Variants in ZDHHC14 observed in about 807,000 individuals in gnomAD.
ZDHHC14 encodes the protein zDHHC palmitoyltransferase 14.
A neutral mutation model predicts 47.7 loss-of-function variants in ZDHHC14; 16 were observed. The ratio of observed to expected loss-of-function variants is 0.34; its 90% CI spans 0.23 to 0.51. The LOEUF is 0.51. Ranked by LOEUF, ZDHHC14 falls within the 20% of genes least tolerant of loss-of-function variation. The probability of loss-of-function intolerance (pLI) is 0.97; values close to 1 mark genes in which losing one functional copy is unlikely to be tolerated. For synonymous variants in ZDHHC14, 293 were observed against 278.9 expected (o/e 1.05, Z -0.50); for missense variants, 515 against 662.5 (o/e 0.78, Z 2.44).
At chr6:157,649,904 T>C (rs947139003) in intron 7 of ZDHHC14, among the ~76,000 whole-genome samples, 5 of 152,152 alleles carry the variant, frequency 3.3e-5, no homozygotes, top group Non-Finnish European at 7.3e-5. Context: ...GTGGCCACCA[T>C]TGACTGCCCA....
At chr6:157,564,191 G>A (rs1208221048) in intron 2 of ZDHHC14, among the ~76,000 whole-genome samples, 1 of 152,180 alleles carries the variant, frequency 6.6e-6, no homozygotes, top group African/African-American at 2.4e-5. Flanking sequence ...TTCTTGCATG[G>A]TGGTCACAGC....
At chr6:157,618,744 G>A (rs1052387707) in intron 3 of ZDHHC14, among the ~76,000 whole-genome samples, 1 of 151,984 alleles carries the variant, frequency 6.6e-6, no homozygotes, top group Non-Finnish European at 1.5e-5. Context: ...TGCTGGGTGG[G>A]GGAACTCAAT....
chr6:157,397,692 G>A (rs1050258864), intron 1 of ZDHHC14, among the ~76,000 whole-genome samples: 7 of 152,334 alleles, frequency 4.6e-5, no homozygotes, highest in African/African-American at 1.4e-4. Context: ...CTGGGGATTA[G>A]GATGTGGATG....
intron 1 of ZDHHC14, among the ~76,000 whole-genome samples, chr6:157,512,830 A>T (rs1040833022): frequency 2.0e-5 from 3 of 152,240 alleles, no homozygotes; most frequent in Non-Finnish European, 4.4e-5. Context: ...ATACTCTGAA[A>T]ATGTTCCTGT....
At position 157,656,072 on chromosome 6, in the gene ZDHHC14, G is replaced by A. The variant is rs117161390; in HGVS notation, c.1068+2445G>A. ...CTTTAACCATGGAAATGGGGAGGTC[G>A]TTTTACTCCATATGTGAAATCAGAT... On this transcript the variant is annotated intron_variant, in intron 8 of 8. Transcript: ENST00000359775. Among the ~76,000 whole-genome samples the A allele has an allele frequency of 2.7e-3, 406 of 152,292 alleles. 2 individuals carry two copies. The highest frequency in any genetic ancestry group is 4.6e-3 in the Non-Finnish European group (311 of 68,018).
chr6:157,608,470 A>G (rs1052100852), intron 3 of ZDHHC14, among the ~76,000 whole-genome samples: 1 of 152,168 alleles, frequency 6.6e-6, no homozygotes, highest in East Asian at 1.9e-4. Context: ...ACCTGGAGGA[A>G]GCAGCGTCCC....
chr6:157,558,715 G>T (rs1344107285), intron 2 of ZDHHC14, among the ~76,000 whole-genome samples: 1 of 151,790 alleles, frequency 6.6e-6, no homozygotes, highest in Non-Finnish European at 1.5e-5. Flanking sequence ...GTGGTTGTAA[G>T]GAGTCATTAC....
chr6:157,436,241 A>G (rs28558234), intron 1 of ZDHHC14, among the ~76,000 whole-genome samples: 46,991 of 151,896 alleles, frequency 0.31, 7,508 homozygotes, highest in African/African-American at 0.39. Context: ...GATAATGAAG[A>G]TGCAAATGGA....
At position 157,673,055 on chromosome 6, in the gene ZDHHC14, G is replaced by C; in HGVS notation, c.1400G>C (p.Gly467Ala). ...LAHSRTMHVL[G>A]LASQDSLHED... ...CACAGCCGCACCATGCACGTGCTGG[G>C]CCTGGCCAGCCAGGACTCCCTGCAT... is the stretch of plus-strand genomic sequence containing the variant. The change falls in exon 9 of 9, where the codon GGC (glycine) becomes GCC (alanine). Residue 467 changes from glycine (G) to alanine (A), a missense_variant. Transcript: ENST00000359775. This position sits in a 1 kb window ranked among gnomAD's most constrained non-coding sequence, Gnocchi z 5.4. 1.3e-6 allele frequency: 2 copies of C among 1,566,768 alleles called. No homozygotes were observed. The highest frequency in any genetic ancestry group is 8.6e-7 in the Non-Finnish European group (1 of 1,163,934).
At chr6:157,519,668 C>A (rs778514356) in intron 1 of ZDHHC14, among the ~76,000 whole-genome samples, 3 of 152,190 alleles carry the variant, frequency 2.0e-5, no homozygotes, top group Non-Finnish European at 2.9e-5. Context: ...TAGCCCGGCC[C>A]CTCAAGAGCT....
intron 1 of ZDHHC14, among the ~76,000 whole-genome samples, chr6:157,402,746 G>A (rs931720714): frequency 6.6e-6 from 1 of 152,070 alleles, no homozygotes; most frequent in Admixed American, 6.5e-5. Context: ...TCTTTTTCCA[G>A]ACAAAAGTCT....
chr6:157,523,189 G>A (rs1297542463), intron 1 of ZDHHC14, among the ~76,000 whole-genome samples: 1 of 151,382 alleles, frequency 6.6e-6, no homozygotes, highest in Admixed American at 6.6e-5. Flanking sequence ...TCCTTTCTTT[G>A]ATTATTAGTG....
At chr6:157,459,544 G>A (rs978674494) in intron 1 of ZDHHC14, among the ~76,000 whole-genome samples, 4 of 152,162 alleles carry the variant, frequency 2.6e-5, no homozygotes, top group Admixed American at 6.5e-5. Flanking sequence ...GGTGAATGCT[G>A]CCTGTAAACT....
At chr6:157,584,207 G>C (rs1045573414) in intron 2 of ZDHHC14, among the ~76,000 whole-genome samples, 1 of 152,200 alleles carries the variant, frequency 6.6e-6, no homozygotes, top group Non-Finnish European at 1.5e-5. Flanking sequence ...CACTGGGGCA[G>C]GGAGGCTGCA....
chr6:157,489,830 G>A (rs1368500419), intron 1 of ZDHHC14, among the ~76,000 whole-genome samples: 5 of 152,192 alleles, frequency 3.3e-5, no homozygotes, highest in African/African-American at 7.2e-5. Context: ...GTGCAGTGGC[G>A]TGATCATGGC....
intron 1 of ZDHHC14, among the ~76,000 whole-genome samples, chr6:157,429,109 A>C (rs904169976): frequency 7.2e-5 from 11 of 152,142 alleles, no homozygotes; most frequent in African/African-American, 2.7e-4. Context: ...CCTAGGATCC[A>C]CTAATTCTTT....
intron 5 of ZDHHC14, among the ~76,000 whole-genome samples, chr6:157,642,898 T>C (rs1316741347): frequency 6.6e-6 from 1 of 152,152 alleles, no homozygotes; most frequent in African/African-American, 2.4e-5. Flanking sequence ...CTGCCACAGG[T>C]TCGCGAATCC....
At chr6:157,442,940 C>T (rs940427978) in intron 1 of ZDHHC14, among the ~76,000 whole-genome samples, 1 of 152,294 alleles carries the variant, frequency 6.6e-6, no homozygotes, top group South Asian at 2.1e-4. Flanking sequence ...TCCTCTGTTA[C>T]TAGTTTGAAG....
At chr6:157,382,793 G>A (rs1777241063) in intron 1 of ZDHHC14, among the ~76,000 whole-genome samples, 1 of 152,230 alleles carries the variant, frequency 6.6e-6, no homozygotes, top group African/African-American at 2.4e-5. Flanking sequence ...GTTTCAAAGT[G>A]TCGGCTGCCT....
Sources: gnomAD v4.1 joint callset for allele counts (sites outside exome capture counted in the v4.1 genomes callset) on GRCh38, gnomAD v4.1.1 for gene constraint, Gnocchi (gnomAD v3.1) non-coding constraint, MANE v1.5 for transcripts, NCBI Gene and HGNC (gene_info 2026-07-23, HGNC 2026-07-21) for gene names.